Variants in SLC12A7 observed in about 807,000 individuals in gnomAD.
SLC12A7 encodes the protein solute carrier family 12 member 7.
Under a neutral mutation model 120.6 loss-of-function variants are expected in SLC12A7, and 100 were observed. That is an observed-to-expected ratio of 0.83 (90% CI 0.71 to 0.98). The LOEUF is 0.98. Ranked by LOEUF, SLC12A7 falls within the 50% of genes least tolerant of loss-of-function variation. SLC12A7 has a pLI of 0.00. For missense variants in SLC12A7, 1,373 were observed against 1,548.1 expected (o/e 0.89, Z 1.90); for synonymous variants, 760 against 678.0 (o/e 1.12, Z -1.88).
At chr5:1,081,864 G>A in intron 8 of SLC12A7, 120 bp from the exon 9 acceptor site, 1 of 1,185,614 alleles carries the variant, frequency 8.4e-7, no homozygotes. Flanking sequence ...CACAGCTTGT[G>A]CGCCGCAAGC....
intron 11 of SLC12A7, among the ~76,000 whole-genome samples, chr5:1,078,367 T>A (rs1231299296): frequency 1.3e-5 from 2 of 152,010 alleles, no homozygotes; most frequent in Non-Finnish European, 2.9e-5. Flanking sequence ...ATGACCTGCC[T>A]GGGACCCCAC....
chr5:1,081,816 TC>T (rs1319652784), intron 8 of SLC12A7, 72 bp from the exon 9 acceptor site: 24 of 1,538,344 alleles, frequency 1.6e-5, no homozygotes, highest in Non-Finnish European at 2.1e-5. Context: ...GGCCGCCCAC[TC>T]CCCGGCAGGT....
intron 21 of SLC12A7, 52 bp from the exon 22 acceptor site, chr5:1,057,701 C>T (rs771757404): frequency 9.9e-6 from 15 of 1,521,312 alleles, no homozygotes; most frequent in East Asian, 2.3e-5. Flanking sequence ...CTCCTCTGGG[C>T]GAGAGCGACC....
chr5:1,113,027 C>T (rs1178451271), upstream of SLC12A7, among the ~76,000 whole-genome samples: 1 of 152,112 alleles, frequency 6.6e-6, no homozygotes, highest in Non-Finnish European at 1.5e-5. Flanking sequence ...AGGTGGAGTT[C>T]CAGAACCCAC....
chr5:1,118,435 C>CT, the SLC12A7 span, among the ~76,000 whole-genome samples: 8 of 152,374 alleles, frequency 5.3e-5, no homozygotes, highest in South Asian at 4.1e-4. Flanking sequence ...GTGGGCAGGC[C>CT]TGGCAGCCAT....
upstream of SLC12A7, among the ~76,000 whole-genome samples, chr5:1,115,760 G>T (rs1310259252): frequency 6.6e-6 from 1 of 151,546 alleles, no homozygotes; most frequent in African/African-American, 2.4e-5. Flanking sequence ...CCAGGTTCTT[G>T]CCTGTTGGCC....
Position 1,081,712 on chromosome 5 carries a change from C to T in SLC12A7, c.1162G>A (p.Ala388Thr), listed in dbSNP as rs1739142097. The change falls in exon 9 of 24, where the codon GCG (alanine) becomes ACG (threonine). Residue 388 changes from alanine to threonine, a missense_variant. Ala to Thr is a moderately conservative substitution (Grantham distance 58). Coordinates refer to ENST00000264930, the MANE Select transcript of SLC12A7 (RefSeq NM_006598.3). ...GGCACACCTTTCTTCTCCACAAACG[C>T]CCCCGCGTGCGCGTACGTACTCCAC... ...NLWSTYAHAG[A>T]FVEKKGVPSV... 3 of 1,612,824 alleles carry T rather than the reference C, an allele frequency of 1.9e-6. No individual in the cohort carries two copies. The highest frequency in any genetic ancestry group is 1.3e-5 in the African/African-American group (1 of 74,960).
At chr5:1,081,817 C>G in intron 8 of SLC12A7, 73 bp from the exon 9 acceptor site, 2 of 1,539,246 alleles carry the variant, frequency 1.3e-6, no homozygotes, top group South Asian at 1.2e-5. Flanking sequence ...GCCGCCCACT[C>G]CCCGGCAGGT....
At chr5:1,091,961 C>G (rs1740574671) in intron 3 of SLC12A7, among the ~76,000 whole-genome samples, 1 of 152,150 alleles carries the variant, frequency 6.6e-6, no homozygotes, top group South Asian at 2.1e-4. Context: ...CGGGAAGGAC[C>G]CAGCAGGGGA....
At chr5:1,099,052 C>G (rs572959486) in intron 1 of SLC12A7, among the ~76,000 whole-genome samples, 1 of 152,058 alleles carries the variant, frequency 6.6e-6, no homozygotes. Flanking sequence ...GGGCAGGGTC[C>G]TTGCCAGGTG....
intron 22 of SLC12A7, among the ~76,000 whole-genome samples, chr5:1,053,710 G>A (rs1022404301): frequency 3.3e-5 from 5 of 152,250 alleles, no homozygotes; most frequent in African/African-American, 9.6e-5. Flanking sequence ...TTGGCCTCCA[G>A]GGACCTAGAA....
At chr5:1,102,114 A>G (rs1044941664) in intron 1 of SLC12A7, among the ~76,000 whole-genome samples, 6 of 152,232 alleles carry the variant, frequency 3.9e-5, no homozygotes, top group African/African-American at 1.2e-4. Context: ...GGCTTGTCCA[A>G]CCAGGCTGTG....
intron 21 of SLC12A7, 64 bp from the exon 22 acceptor site, chr5:1,057,713 G>T: frequency 6.8e-7 from 1 of 1,475,404 alleles, no homozygotes; most frequent in Non-Finnish European, 9.1e-7. Context: ...AGAGCGACCC[G>T]GGATGCCAGG....
At chr5:1,114,034 G>C (rs1254532946), upstream of SLC12A7, among the ~76,000 whole-genome samples, 2 of 152,240 alleles carry the variant, frequency 1.3e-5, no homozygotes, top group African/African-American at 4.8e-5. Flanking sequence ...TGCTGGCTGT[G>C]GACCTTCAGA....
intron 1 of SLC12A7, among the ~76,000 whole-genome samples, chr5:1,110,112 G>A (rs772353877): frequency 1.4e-4 from 21 of 152,266 alleles, no homozygotes; most frequent in African/African-American, 4.3e-4. Context: ...AGTGGATTCC[G>A]AAGGGCAGCT....
At chr5:1,080,171 C>T (rs534701396) in intron 9 of SLC12A7, among the ~76,000 whole-genome samples, 33 of 150,512 alleles carry the variant, frequency 2.2e-4, no homozygotes, top group African/African-American at 6.6e-4. Context: ...CCTCCACCCG[C>T]GGCTCAGAGA....
rs1252073620 is a variant in SLC12A7, at chr5:1,050,827, C to T, written c.*1533G>A. On this transcript the variant is annotated 3_prime_UTR_variant, in exon 24 of 24. Transcript: ENST00000264930. Reference sequence around the variant, plus strand: ...TCTGGGACACGCTCTGGGCAGCAGCCGTCACTCTACAGCAATGCCAGCCCT... The same window carrying T: ...TCTGGGACACGCTCTGGGCAGCAGCTGTCACTCTACAGCAATGCCAGCCCT... 20 of 398,492 alleles carry T rather than the reference C, an allele frequency of 5.0e-5. No homozygotes were observed. The highest frequency in any genetic ancestry group is 2.6e-4 in the Admixed American group (6 of 22,722). The allele number at this position is 398,492 out of a possible 1,614,324, so 24.7% of individuals were successfully genotyped here. A position where few individuals can be genotyped will look rare whatever the true frequency, so the allele number is the denominator to read the frequency against.
rs1259398441 is a variant in SLC12A7, at chr5:1,051,547, A to AAAG, written c.*810_*812dup. 6.6e-6 allele frequency: 1 copy of AAAG among 152,332 alleles called. No individual in the cohort carries two copies. Among genetic ancestry groups the AAAG allele is most frequent in the East Asian group, 1.9e-4 (1 of 5,200 alleles). 9.4% of individuals were successfully genotyped at this position (152,332 alleles called of 1,614,324 possible). A position where few individuals can be genotyped will look rare whatever the true frequency, so the allele number is the denominator to read the frequency against. ...GGCTGGGCCCTGTCAGTGCTTATGA[A>AAAG]AAGAAGTGGCTGGTTTTCTAAAGGT... is the stretch of plus-strand genomic sequence containing the variant. On this transcript the variant is annotated 3_prime_UTR_variant, in exon 24 of 24. Transcript: ENST00000264930.
the SLC12A7 span, among the ~76,000 whole-genome samples, chr5:1,139,067 TG>T: frequency 0.016 from 2,388 of 150,714 alleles, 27 homozygotes; most frequent in Middle Eastern, 0.034. Context: ...AAGCTTGGGG[TG>T]GGGGGGGGGC....
Sources: allele counts gnomAD v4.1 joint callset (sites outside exome capture counted in the v4.1 genomes callset), GRCh38; gene constraint gnomAD v4.1.1; transcripts MANE v1.5; gene names NCBI Gene and HGNC (gene_info 2026-07-23, HGNC 2026-07-21).